The following GRB10 variants were observed in gnomAD, a reference collection of about 807,000 sequenced individuals.
GRB10 encodes growth factor receptor bound protein 10, also known as growth factor receptor-bound protein 10.
A neutral mutation model predicts 80.9 loss-of-function variants in GRB10; 20 were observed. The observed-to-expected ratio is 0.25, with a 90% CI of 0.17 to 0.36. The LOEUF (loss-of-function observed/expected upper bound fraction) is 0.36, where lower values mean the gene tolerates loss of function less well. GRB10 is among the 10% of genes least tolerant of loss of function. GRB10 has a pLI of 1.00. For synonymous variants in GRB10, 291 were observed against 291.5 expected, an observed-to-expected ratio of 1.00 and a Z score of 0.02; for missense variants, 548 against 747.7, an observed-to-expected ratio of 0.73 and a Z score of 3.12.
rs573187779 is a variant in GRB10, at chr7:50,664,436, G to A, written c.504+5286C>T. On this transcript the variant is annotated intron_variant, in intron 7 of 18. Transcript: ENST00000401949. ...GACAGTCACCAGGCCGTGGCGGGGGGCCAGCCCACCTGCCAGGGTCCTCTG... is the reference window on the plus strand; with the variant it reads ...GACAGTCACCAGGCCGTGGCGGGGGACCAGCCCACCTGCCAGGGTCCTCTG... Among the ~76,000 whole-genome samples the A allele has an allele frequency of 2.1e-4, 32 of 152,246 alleles. 1 individual carries two copies. In the South Asian group the frequency reaches 6.5e-3, roughly 31 times the overall value.
chr7:50,788,742 G>C (rs1218853894), intron 1 of GRB10, among the ~76,000 whole-genome samples: 1 of 152,192 alleles, frequency 6.6e-6, no homozygotes, highest in Non-Finnish European at 1.5e-5. Context: ...GCCCTGGATA[G>C]AGCTCGGAGC....
intron 18 of GRB10, 90 bp downstream of exon 18, chr7:50,595,347 C>T (rs1029280309): frequency 6.6e-5 from 52 of 786,924 alleles, no homozygotes; most frequent in Middle Eastern, 2.3e-4. Flanking sequence ...TGATACTTAC[C>T]GGTCTTGTCG....
At chr7:50,652,459 G>C (rs1166691453) in intron 7 of GRB10, among the ~76,000 whole-genome samples, 3 of 152,154 alleles carry the variant, frequency 2.0e-5, no homozygotes, top group Admixed American at 6.5e-5. Context: ...CACCAAAGAG[G>C]GTGGACACAG....
chr7:50,615,497 C>A (rs903279558), intron 11 of GRB10, among the ~76,000 whole-genome samples: 1 of 152,186 alleles, frequency 6.6e-6, no homozygotes, highest in Non-Finnish European at 1.5e-5. Flanking sequence ...TGCTGACTTC[C>A]CAGAGCCGGC....
rs73113008 is a variant in GRB10, at chr7:50,619,735, A to T, written c.662-450T>A. 7.5e-3 allele frequency among the ~76,000 whole-genome samples: 1,149 copies of T among 152,320 alleles called. 4 individuals carry two copies. Among genetic ancestry groups the T allele is most frequent in the Middle Eastern group, 0.017 (5 of 294 alleles). ...GATAGAAGCTTTTTGATGACATCAA[A>T]CTTGGTTGCCAGAAAAGATGGTGCT... On this transcript the variant is annotated intron_variant, in intron 8 of 18. Coordinates refer to ENST00000401949, the MANE Select transcript of GRB10 (RefSeq NM_001350814.2).
chr7:50,650,735 A>G (rs1378481852), intron 7 of GRB10, among the ~76,000 whole-genome samples: 1 of 152,214 alleles, frequency 6.6e-6, no homozygotes, highest in African/African-American at 2.4e-5. Context: ...GGTCCTGCCT[A>G]CTAAGCCCAA....
chr7:50,710,303 G>A (rs1222009308), intron 4 of GRB10, among the ~76,000 whole-genome samples: 5 of 152,112 alleles, frequency 3.3e-5, no homozygotes, highest in African/African-American at 1.2e-4. Context: ...TGTGAGGATA[G>A]AGGGACAAGA....
chr7:50,628,967 T>C (rs1274602875), intron 7 of GRB10, among the ~76,000 whole-genome samples: 1 of 152,166 alleles, frequency 6.6e-6, no homozygotes, highest in East Asian at 1.9e-4. Flanking sequence ...GTTATTAAAA[T>C]GCATTAACAT....
At chr7:50,748,198 G>C (rs557369657) in intron 3 of GRB10, among the ~76,000 whole-genome samples, 1 of 152,164 alleles carries the variant, frequency 6.6e-6, no homozygotes, top group Admixed American at 6.5e-5. Context: ...CTGTGGTTTC[G>C]GATTAATTAA....
intron 9 of GRB10, among the ~76,000 whole-genome samples, chr7:50,618,856 A>T (rs906569137): frequency 6.6e-6 from 1 of 152,278 alleles, no homozygotes; most frequent in Non-Finnish European, 1.5e-5. Flanking sequence ...GTGTTTGATC[A>T]GTTCAACTGA....
At chr7:50,687,013 C>T (rs2062178232) in intron 5 of GRB10, among the ~76,000 whole-genome samples, 1 of 152,170 alleles carries the variant, frequency 6.6e-6, no homozygotes, top group Non-Finnish European at 1.5e-5. Context: ...TACCCTGAGT[C>T]TGGCACACAG....
intron 9 of GRB10, 88 bp from the exon 10 acceptor site, chr7:50,618,227 A>G: frequency 1.0e-6 from 1 of 973,970 alleles, no homozygotes; most frequent in Non-Finnish European, 1.6e-6. Flanking sequence ...TTTTAAAACT[A>G]TTCCTACCAG....
chr7:50,653,455 T>C (rs1014751632), intron 7 of GRB10, among the ~76,000 whole-genome samples: 1 of 151,884 alleles, frequency 6.6e-6, no homozygotes, highest in African/African-American at 2.4e-5. Flanking sequence ...GCCAAGAGAG[T>C]GGGGGACTCA....
At chr7:50,767,653 G>A (rs1035771373) in intron 2 of GRB10, among the ~76,000 whole-genome samples, 1 of 152,164 alleles carries the variant, frequency 6.6e-6, no homozygotes, top group Non-Finnish European at 1.5e-5. Flanking sequence ...GGCCAGCAGG[G>A]GGTACATTTC....
upstream of GRB10, among the ~76,000 whole-genome samples, chr7:50,787,010 A>G (rs1054549953): frequency 7.9e-5 from 12 of 152,248 alleles, no homozygotes; most frequent in African/African-American, 2.4e-4. Context: ...TACATTTTAA[A>G]AACTAGGCAA....
intron 2 of GRB10, among the ~76,000 whole-genome samples, chr7:50,778,643 C>T (rs1449142909): frequency 6.6e-6 from 1 of 152,184 alleles, no homozygotes; most frequent in Non-Finnish European, 1.5e-5. Flanking sequence ...ACCCTACCTC[C>T]AAGGGTAGGG....
chr7:50,676,665 A>G (rs888236504), intron 5 of GRB10, among the ~76,000 whole-genome samples: 43 of 152,240 alleles, frequency 2.8e-4, no homozygotes, highest in African/African-American at 9.6e-4. Flanking sequence ...GGCTCCCCTC[A>G]TCTCTCAAGG....
intron 7 of GRB10, among the ~76,000 whole-genome samples, chr7:50,649,963 C>G (rs2057795860): frequency 1.3e-5 from 2 of 152,104 alleles, no homozygotes; most frequent in Non-Finnish European, 2.9e-5. Flanking sequence ...GTGACTTGTC[C>G]TGGTTATAGA....
At chr7:50,674,733 T>C (rs2060737699) in intron 5 of GRB10, 75 bp from the exon 6 acceptor site, 1 of 1,272,308 alleles carries the variant, frequency 7.9e-7, no homozygotes, top group Non-Finnish European at 1.1e-6. Flanking sequence ...TACATCTTGG[T>C]GATCAGGTTC....
Sources: gnomAD v4.1 joint callset for allele counts (sites outside exome capture counted in the v4.1 genomes callset) on GRCh38, gnomAD v4.1.1 for gene constraint, MANE v1.5 for transcripts, NCBI Gene and HGNC (gene_info 2026-07-23, HGNC 2026-07-21) for gene names.